NSUN3: variants seen among roughly 807,000 people sequenced by gnomAD.
NSUN3 encodes the protein tRNA (cytosine(34)-C(5))-methyltransferase, mitochondrial.
In NSUN3, 24 loss-of-function variants were observed where a neutral mutation model predicts 36.8. That is an observed-to-expected ratio of 0.65 (90% CI 0.47 to 0.92). The LOEUF (loss-of-function observed/expected upper bound fraction) is 0.92, where lower values mean the gene tolerates loss of function less well. NSUN3 is among the 40% of genes least tolerant of loss of function. The pLI is 0.00. For missense variants in NSUN3, 381 were observed against 392.8 expected, an observed-to-expected ratio of 0.97 and a Z score of 0.25; for synonymous variants, 146 against 145.2, an observed-to-expected ratio of 1.01 and a Z score of -0.04.
Position 94,070,375 on chromosome 3 carries a change from C to T in NSUN3, c.122+5829C>T, listed in dbSNP as rs1425197139. 3.3e-5 allele frequency among the ~76,000 whole-genome samples: 5 copies of T among 152,100 alleles called. No homozygotes were observed. The East Asian group carries it at 5.8e-4, about 18-fold the overall frequency. The stretch of plus-strand genomic sequence containing the variant: ...ACTTGGGAGACTGAGGTAGGAGGAT[C>T]GCTTGAGTCCAGGAGGTCGAGGCTT... On this transcript the variant is annotated intron_variant, in intron 2 of 5. Transcript: ENST00000314622.
At chr3:94,089,927 C>T (rs529027983) in intron 3 of NSUN3, among the ~76,000 whole-genome samples, 1 of 152,184 alleles carries the variant, frequency 6.6e-6, no homozygotes, top group South Asian at 2.1e-4. Context: ...ATGGATTTAC[C>T]TCCCACTAAC....
At chr3:94,065,200 C>A (rs572657856) in intron 2 of NSUN3, among the ~76,000 whole-genome samples, 1 of 152,148 alleles carries the variant, frequency 6.6e-6, no homozygotes, top group African/African-American at 2.4e-5. Flanking sequence ...TCTGCATGTC[C>A]AGTTTACATG....
At chr3:94,073,678 C>A (rs1286128253) in intron 2 of NSUN3, among the ~76,000 whole-genome samples, 2 of 151,996 alleles carry the variant, frequency 1.3e-5, no homozygotes, top group African/African-American at 4.8e-5. Context: ...TGTTTAAATT[C>A]TTTGTAGATT....
intron 3 of NSUN3, among the ~76,000 whole-genome samples, chr3:94,092,569 A>G (rs965980947): frequency 1.3e-5 from 2 of 152,012 alleles, no homozygotes; most frequent in Non-Finnish European, 2.9e-5. Context: ...CCTCTTCTCA[A>G]CAAAATTGAT....
At chr3:94,121,303 C>A (rs1576103231) in intron 5 of NSUN3, among the ~76,000 whole-genome samples, 1 of 152,182 alleles carries the variant, frequency 6.6e-6, no homozygotes, top group Non-Finnish European at 1.5e-5. Flanking sequence ...GTCAGTTCAA[C>A]CCAGGCTTCC....
chr3:94,067,368 G>A (rs1423404867), intron 2 of NSUN3, among the ~76,000 whole-genome samples: 2 of 152,140 alleles, frequency 1.3e-5, no homozygotes, highest in African/African-American at 4.8e-5. Flanking sequence ...ATAATAAACT[G>A]TGACTATAAC....
chr3:94,092,421 C>A (rs891893677), intron 3 of NSUN3, among the ~76,000 whole-genome samples: 1 of 152,140 alleles, frequency 6.6e-6, no homozygotes, highest in Non-Finnish European at 1.5e-5. Context: ...TTCTGTCTTA[C>A]ATTGTTTTCT....
intron 2 of NSUN3, among the ~76,000 whole-genome samples, chr3:94,080,488 G>A (rs894020209): frequency 1.3e-5 from 2 of 152,200 alleles, no homozygotes; most frequent in East Asian, 3.9e-4. Context: ...GGACGTTTAA[G>A]TCGGCTGAAG....
chr3:94,072,872 T>C (rs2077229818), intron 2 of NSUN3, among the ~76,000 whole-genome samples: 1 of 152,092 alleles, frequency 6.6e-6, no homozygotes, highest in South Asian at 2.1e-4. Context: ...CTTACATAGG[T>C]ATACCCATGC....
In NSUN3 at chr3:94,065,532, A is replaced by G. The variant is rs547894396; in HGVS notation, c.122+986A>G. Among the ~76,000 whole-genome samples the G allele has an allele frequency of 1.9e-4, 29 of 152,230 alleles. No homozygotes were observed. The South Asian group carries it at 2.7e-3, about 14-fold the overall frequency. ...AATTTTTCAGATGGTTGGCTTGTCC[A>G]TTTTTTTCTTGGATCAACTCTTAAG... On this transcript the variant is annotated intron_variant, in intron 2 of 5. Coordinates refer to ENST00000314622, the MANE Select transcript of NSUN3 (RefSeq NM_022072.5).
At chr3:94,126,180 TA>T (rs1182313109) in intron 5 of NSUN3, 30 bp from the exon 6 acceptor site, 1 of 1,581,116 alleles carries the variant, frequency 6.3e-7, no homozygotes, top group South Asian at 1.2e-5. Context: ...TATACTTAAC[TA>T]ATCTTTTGCA....
In NSUN3 at chr3:94,064,628, G is replaced by A. The variant is rs1341333997; in HGVS notation, c.122+82G>A. 1.6e-5 allele frequency: 13 copies of A among 835,008 alleles called. No individual in the cohort carries two copies. The South Asian group carries it at 1.7e-4, about 11-fold the overall frequency. 51.7% of individuals were successfully genotyped at this position (835,008 alleles called of 1,614,324 possible). A position where few individuals can be genotyped will look rare whatever the true frequency, so the allele number is the denominator to read the frequency against. The stretch of plus-strand genomic sequence containing the variant: ...CCTTTTTGTGGGAGGGATGCTGTGA[G>A]GTTAAAAGGCAAAGGAATCTAAATC... On this transcript the variant is annotated intron_variant, in intron 2 of 5. Transcript: ENST00000314622.
intron 2 of NSUN3, among the ~76,000 whole-genome samples, chr3:94,066,783 T>G (rs2077205352): frequency 6.6e-6 from 1 of 152,212 alleles, no homozygotes; most frequent in South Asian, 2.1e-4. Flanking sequence ...AAAAGTGTAT[T>G]ATTATTTTTC....
At position 94,068,841 on chromosome 3, in the gene NSUN3, T is replaced by G. The variant is rs146422415; in HGVS notation, c.122+4295T>G. Among the ~76,000 whole-genome samples the G allele has an allele frequency of 7.1e-4, 107 of 151,722 alleles. 1 individual carries two copies. The highest frequency in any genetic ancestry group is 2.4e-3 in the African/African-American group (100 of 41,340). On this transcript the variant is annotated intron_variant, in intron 2 of 5. Transcript: ENST00000314622. ...ACACAACCTGATAATATTACCATAATCTGTGAAGGATGTAGACTGAGGTGG... is the reference window on the plus strand; with the variant it reads ...ACACAACCTGATAATATTACCATAAGCTGTGAAGGATGTAGACTGAGGTGG...
At chr3:94,110,223 G>A (rs2077410338) in intron 5 of NSUN3, among the ~76,000 whole-genome samples, 1 of 151,530 alleles carries the variant, frequency 6.6e-6, no homozygotes, top group African/African-American at 2.4e-5. Flanking sequence ...AACTTTCAGT[G>A]ATAGAAAGTT....
At chr3:94,107,395 C>T (rs1290868298) in intron 5 of NSUN3, among the ~76,000 whole-genome samples, 1 of 152,034 alleles carries the variant, frequency 6.6e-6, no homozygotes, top group Non-Finnish European at 1.5e-5. Context: ...CCAAGTGATC[C>T]TCTTGTCTCA....
At chr3:94,092,390 C>T (rs569248293) in intron 3 of NSUN3, among the ~76,000 whole-genome samples, 3 of 152,248 alleles carry the variant, frequency 2.0e-5, no homozygotes, top group Admixed American at 1.3e-4. Context: ...CTTAGAATTG[C>T]ACCCTGTCCA....
chr3:94,077,188 G>A (rs1437888769), intron 2 of NSUN3: 1 of 694,018 alleles, frequency 1.4e-6, no homozygotes, highest in South Asian at 1.5e-5. Flanking sequence ...GGCCAGGCGA[G>A]CCAGGGGAAT....
intron 5 of NSUN3, among the ~76,000 whole-genome samples, chr3:94,095,361 G>A (rs1397403420): frequency 1.3e-5 from 2 of 152,164 alleles, no homozygotes; most frequent in African/African-American, 2.4e-5. Flanking sequence ...CCCCAGTGAT[G>A]TGTAGTATTG....
Sources: gnomAD v4.1 joint callset for allele counts (sites outside exome capture counted in the v4.1 genomes callset) on GRCh38, gnomAD v4.1.1 for gene constraint, MANE v1.5 for transcripts, NCBI Gene and HGNC (gene_info 2026-07-23, HGNC 2026-07-21) for gene names.